CCSER1: variants seen among roughly 807,000 people sequenced by gnomAD.
The protein encoded by CCSER1 is serine-rich coiled-coil domain-containing protein 1.
CCSER1 carries 41 observed loss-of-function variants against 82.0 expected under a neutral mutation model. The ratio of observed to expected loss-of-function variants is 0.50; its 90% CI spans 0.39 to 0.65. CCSER1 has a LOEUF of 0.65. Ranked by LOEUF, CCSER1 falls within the 30% of genes least tolerant of loss-of-function variation. The pLI is 0.00. For synonymous variants in CCSER1, 414 were observed against 383.9 expected, an observed-to-expected ratio of 1.08 and a Z score of -0.92; for missense variants, 1,119 against 1,064.2, an observed-to-expected ratio of 1.05 and a Z score of -0.72.
intron 1 of CCSER1, among the ~76,000 whole-genome samples, chr4:90,179,895 T>C (rs919000618): frequency 6.6e-6 from 1 of 152,126 alleles, no homozygotes; most frequent in African/African-American, 2.4e-5. Flanking sequence ...GGAACTTTCA[T>C]GGTTTTGTGC....
At chr4:90,869,474 A>T (rs564251137) in intron 8 of CCSER1, among the ~76,000 whole-genome samples, 1 of 151,658 alleles carries the variant, frequency 6.6e-6, no homozygotes, top group East Asian at 1.9e-4. Context: ...TCCCTAATTT[A>T]TGTTCTTGTC....
intron 7 of CCSER1, among the ~76,000 whole-genome samples, chr4:90,807,732 AT>A (rs1394396093): frequency 1.3e-5 from 2 of 152,150 alleles, no homozygotes; most frequent in African/African-American, 4.8e-5. Context: ...GATGAAAAAA[AT>A]CATATATGAC....
intron 10 of CCSER1, among the ~76,000 whole-genome samples, chr4:91,099,063 G>A (rs1029020722): frequency 6.6e-6 from 1 of 152,102 alleles, no homozygotes; most frequent in Non-Finnish European, 1.5e-5. Context: ...TCTTCCATAA[G>A]AAATTGATCA....
chr4:90,764,474 G>A (rs1310105899), intron 7 of CCSER1, among the ~76,000 whole-genome samples: 1 of 152,058 alleles, frequency 6.6e-6, no homozygotes, highest in African/African-American at 2.4e-5. Context: ...TTTCTTAGGT[G>A]TTTTATACCT....
intron 1 of CCSER1, among the ~76,000 whole-genome samples, chr4:90,150,615 A>G (rs577607912): frequency 1.3e-5 from 2 of 152,252 alleles, no homozygotes; most frequent in South Asian, 2.1e-4. Context: ...ACTCTTATCA[A>G]TGTCCTAAAT....
At chr4:90,140,294 T>A (rs1724499477) in intron 1 of CCSER1, among the ~76,000 whole-genome samples, 1 of 152,196 alleles carries the variant, frequency 6.6e-6, no homozygotes, top group South Asian at 2.1e-4. Context: ...TTCGCAATCA[T>A]CTGAATCATT....
chr4:90,488,369 G>A (rs1400203308), intron 5 of CCSER1, among the ~76,000 whole-genome samples: 1 of 151,862 alleles, frequency 6.6e-6, no homozygotes, highest in Non-Finnish European at 1.5e-5. Flanking sequence ...TGTATTTTTA[G>A]TAGAGATGGG....
In CCSER1 at chr4:91,360,886, G is replaced by T. The variant is rs17214010; in HGVS notation, c.2218-237686G>T. Among the ~76,000 whole-genome samples the T allele has an allele frequency of 3.3e-5, 5 of 151,580 alleles. 1 individual carries two copies. The highest frequency in any genetic ancestry group is 7.4e-5 in the Non-Finnish European group (5 of 67,734). ...TAAGAATGCAAATCAGTAATAGGAT[G>T]GAGGAGGTTATAAATGAGCCAGGAT... On this transcript the variant is annotated intron_variant, in intron 10 of 10. Coordinates refer to ENST00000509176, the MANE Select transcript of CCSER1 (RefSeq NM_001145065.2).
At chr4:90,288,829 A>G (rs925090932) in intron 1 of CCSER1, among the ~76,000 whole-genome samples, 2 of 151,968 alleles carry the variant, frequency 1.3e-5, no homozygotes, top group South Asian at 2.1e-4. Flanking sequence ...TTACAAAAAA[A>G]CAAGCAAATT....
At chr4:91,370,857 A>T (rs1749990015) in intron 10 of CCSER1, among the ~76,000 whole-genome samples, 1 of 152,074 alleles carries the variant, frequency 6.6e-6, no homozygotes, top group Non-Finnish European at 1.5e-5. Flanking sequence ...TGTTACAAGC[A>T]TTCAAATTAT....
intron 4 of CCSER1, among the ~76,000 whole-genome samples, chr4:90,433,622 C>T (rs1346847677): frequency 6.6e-6 from 1 of 152,108 alleles, no homozygotes; most frequent in African/African-American, 2.4e-5. Context: ...GTGGACTACA[C>T]AGCAAGTTAG....
At chr4:91,315,941 C>T (rs908327591) in intron 10 of CCSER1, among the ~76,000 whole-genome samples, 22 of 151,942 alleles carry the variant, frequency 1.4e-4, no homozygotes, top group African/African-American at 5.3e-4. Context: ...CCCATAATCA[C>T]CACATGTCAT....
At chr4:90,218,667 G>A (rs1221100351) in intron 1 of CCSER1, among the ~76,000 whole-genome samples, 3 of 152,064 alleles carry the variant, frequency 2.0e-5, no homozygotes, top group African/African-American at 7.3e-5. Flanking sequence ...GGCTGGAAGT[G>A]GGGTTGGAAC....
intron 5 of CCSER1, among the ~76,000 whole-genome samples, chr4:90,472,505 A>G (rs1764531087): frequency 6.6e-6 from 1 of 152,184 alleles, no homozygotes; most frequent in Admixed American, 6.6e-5. Context: ...TGATAGGGAG[A>G]AACTAACTAA....
intron 3 of CCSER1, among the ~76,000 whole-genome samples, chr4:90,358,534 T>C (rs941529650): frequency 3.3e-5 from 5 of 152,168 alleles, no homozygotes; most frequent in African/African-American, 9.6e-5. Context: ...GATGATAATT[T>C]GTGGACTTAT....
At chr4:90,463,510 T>A (rs1763218220) in intron 4 of CCSER1, among the ~76,000 whole-genome samples, 1 of 152,190 alleles carries the variant, frequency 6.6e-6, no homozygotes, top group African/African-American at 2.4e-5. Flanking sequence ...CAGAATTGTG[T>A]CTATCTTGTC....
chr4:90,333,691 C>T (rs1458773017), intron 3 of CCSER1, among the ~76,000 whole-genome samples: 1 of 152,004 alleles, frequency 6.6e-6, no homozygotes, highest in South Asian at 2.1e-4. Flanking sequence ...TGATTTTTTA[C>T]AAATATAGAT....
chr4:90,816,157 CA>C (rs1439285088), intron 8 of CCSER1, among the ~76,000 whole-genome samples: 2 of 152,124 alleles, frequency 1.3e-5, no homozygotes, highest in African/African-American at 2.4e-5. Context: ...TTGTAAAGTG[CA>C]TGATTTAACT....
intron 3 of CCSER1, among the ~76,000 whole-genome samples, chr4:90,362,605 T>C (rs1313427397): frequency 2.0e-5 from 3 of 152,158 alleles, no homozygotes; most frequent in Non-Finnish European, 4.4e-5. Flanking sequence ...CCAAATTAGT[T>C]AGAAAAGAGT....
Sources: gnomAD v4.1 joint callset for allele counts (sites outside exome capture counted in the v4.1 genomes callset) on GRCh38, gnomAD v4.1.1 for gene constraint, MANE v1.5 for transcripts, NCBI Gene and HGNC (gene_info 2026-07-23, HGNC 2026-07-21) for gene names.